The following NXPE2 variants were observed in gnomAD, a reference collection of about 807,000 sequenced individuals.
The protein encoded by NXPE2 is neurexophilin and PC-esterase domain family member 2, also known as NXPE family member 2.
Under a neutral mutation model 34.4 loss-of-function variants are expected in NXPE2, and 34 were observed. That is an observed-to-expected ratio of 0.99 (90% CI 0.75 to 1.31). The LOEUF is 1.31. Ranked by LOEUF, NXPE2 falls within the 40% of genes most tolerant of loss-of-function variation. NXPE2 has a pLI of 0.00. For missense variants in NXPE2, 649 were observed against 672.5 expected (o/e 0.97, Z 0.39); for synonymous variants, 235 against 231.3 (o/e 1.02, Z -0.15).
chr11:114,813,091 A>G, the NXPE2 span, among the ~76,000 whole-genome samples: 2 of 152,210 alleles, frequency 1.3e-5, no homozygotes, highest in African/African-American at 4.8e-5. Flanking sequence ...ATAGCTATTT[A>G]TGCCCTGATC....
chr11:114,490,432 C>T, the NXPE2 span, among the ~76,000 whole-genome samples: 13 of 152,290 alleles, frequency 8.5e-5, no homozygotes, highest in South Asian at 4.1e-4. Context: ...GGAGGCATCA[C>T]GCTACCTGAC....
chr11:114,563,364 C>G, the NXPE2 span, among the ~76,000 whole-genome samples: 1 of 152,162 alleles, frequency 6.6e-6, no homozygotes, highest in Non-Finnish European at 1.5e-5. Context: ...CTTATTGATT[C>G]ATTCATTTTC....
chr11:114,571,037 A>G, the NXPE2 span: 91 of 1,613,574 alleles, frequency 5.6e-5, no homozygotes, highest in Admixed American at 8.3e-5. Flanking sequence ...TATCCCAGGC[A>G]TCAATGATAC....
At chr11:114,580,563 GTA>G in the NXPE2 span, among the ~76,000 whole-genome samples, 1 of 151,994 alleles carries the variant, frequency 6.6e-6, no homozygotes, top group Non-Finnish European at 1.5e-5. Context: ...CGTTATAAGA[GTA>G]TATGTTTCTT....
rs150633893 is a variant in NXPE2, at chr11:114,701,632, C to T, written c.867-2359C>T. Reference sequence around the variant, plus strand: ...AGCTGATTACACATCCAAGAAGTCTCATGGACCATTCTATTGCTAAGCTCT... The same window carrying T: ...AGCTGATTACACATCCAAGAAGTCTTATGGACCATTCTATTGCTAAGCTCT... On this transcript the variant is annotated intron_variant, in intron 3 of 5. Transcript: ENST00000389586. 1.1e-3 allele frequency among the ~76,000 whole-genome samples: 171 copies of T among 152,288 alleles called. 1 individual carries two copies. Among genetic ancestry groups the T allele is most frequent in the Admixed American group, 1.6e-3 (25 of 15,296 alleles).
chr11:114,706,331 T>C (rs1462246479), intron 5 of NXPE2, 64 bp from the exon 6 acceptor site: 1 of 1,297,386 alleles, frequency 7.7e-7, no homozygotes, highest in Non-Finnish European at 1.0e-6. Flanking sequence ...ATACATGTTG[T>C]GTGCAGTTTA....
At chr11:114,639,020 T>C in the NXPE2 span, among the ~76,000 whole-genome samples, 64,550 of 151,786 alleles carry the variant, frequency 0.43, 15,062 homozygotes, top group African/African-American at 0.61. Context: ...ACATTTAAGT[T>C]TGCAGAGGTT....
chr11:114,632,716 TATATATA>T, the NXPE2 span, among the ~76,000 whole-genome samples: 7 of 72,278 alleles, frequency 9.7e-5, no homozygotes, highest in South Asian at 1.9e-3. Flanking sequence ...TATAATATAA[TATATATA>T]ATATATAATA....
At chr11:114,464,581 TA>T in the NXPE2 span, among the ~76,000 whole-genome samples, 1 of 152,142 alleles carries the variant, frequency 6.6e-6, no homozygotes, top group Non-Finnish European at 1.5e-5. Context: ...AGATATCAGT[TA>T]AAAATGAAAA....
At chr11:114,732,601 T>C in the NXPE2 span, among the ~76,000 whole-genome samples, 1 of 152,256 alleles carries the variant, frequency 6.6e-6, no homozygotes, top group South Asian at 2.1e-4. Context: ...GTGTTCACTA[T>C]GCCTATTCAA....
the NXPE2 span, among the ~76,000 whole-genome samples, chr11:114,633,695 A>G: frequency 1.3e-5 from 2 of 148,682 alleles, no homozygotes; most frequent in African/African-American, 2.5e-5. Flanking sequence ...ATTCCCACCT[A>G]TGAGTGAGAA....
chr11:114,754,798 A>G, the NXPE2 span, among the ~76,000 whole-genome samples: 3 of 152,200 alleles, frequency 2.0e-5, no homozygotes, highest in Non-Finnish European at 4.4e-5. Flanking sequence ...GGCCTTCTGC[A>G]ATGCCTGGAT....
At chr11:114,514,964 A>C in the NXPE2 span, among the ~76,000 whole-genome samples, 2 of 151,984 alleles carry the variant, frequency 1.3e-5, no homozygotes, top group Non-Finnish European at 2.9e-5. Context: ...GAGGCTAAAA[A>C]TGTTAAGGAA....
chr11:114,640,880 A>C, the NXPE2 span, among the ~76,000 whole-genome samples: 2 of 152,040 alleles, frequency 1.3e-5, no homozygotes, highest in African/African-American at 2.4e-5. Context: ...GTAGGTTACA[A>C]ATATTTTCTC....
At chr11:114,576,992 C>G in the NXPE2 span, among the ~76,000 whole-genome samples, 1 of 88,984 alleles carries the variant, frequency 1.1e-5, no homozygotes, top group Admixed American at 1.4e-4. Flanking sequence ...TATATATATA[C>G]ATATATATAT....
At chr11:114,638,820 T>C in the NXPE2 span, among the ~76,000 whole-genome samples, 1 of 151,990 alleles carries the variant, frequency 6.6e-6, no homozygotes, top group African/African-American at 2.4e-5. Context: ...ATTGTTCCTC[T>C]GGAAGTTTTG....
chr11:114,583,463 G>T, the NXPE2 span: 2 of 664,720 alleles, frequency 3.0e-6, no homozygotes, highest in South Asian at 2.8e-5. Flanking sequence ...CCACAGTGAT[G>T]ACTACATTAA....
the NXPE2 span, chr11:114,581,786 C>T: frequency 6.2e-7 from 1 of 1,603,682 alleles, no homozygotes; most frequent in South Asian, 1.1e-5. Flanking sequence ...CCACATTTGA[C>T]CTTAAAGACA....
At chr11:114,790,959 GT>G in the NXPE2 span, among the ~76,000 whole-genome samples, 119,808 of 148,330 alleles carry the variant, frequency 0.81, 49,395 homozygotes, top group East Asian at 0.96. Flanking sequence ...AGGATTGGGT[GT>G]TTTTTTTTTT....
Sources: allele counts gnomAD v4.1 joint callset (sites outside exome capture counted in the v4.1 genomes callset), GRCh38; gene constraint gnomAD v4.1.1; transcripts MANE v1.5; gene names NCBI Gene and HGNC (gene_info 2026-07-23, HGNC 2026-07-21).